NXPH1: variants seen among roughly 807,000 people sequenced by gnomAD.
NXPH1 encodes neurexophilin-1.
A neutral mutation model predicts 23.7 loss-of-function variants in NXPH1; 5 were observed. The observed-to-expected ratio is 0.21, with a 90% CI of 0.11 to 0.44. The LOEUF is 0.44. Ranked by LOEUF, NXPH1 falls within the 20% of genes least tolerant of loss-of-function variation. The pLI is 0.99. For synonymous variants in NXPH1, 144 were observed against 122.2 expected, an observed-to-expected ratio of 1.18 and a Z score of -1.18; for missense variants, 324 against 321.6, an observed-to-expected ratio of 1.01 and a Z score of -0.06.
chr7:8,727,821 G>A (rs2115212936), intron 2 of NXPH1, among the ~76,000 whole-genome samples: 1 of 152,088 alleles, frequency 6.6e-6, no homozygotes, highest in East Asian at 1.9e-4. Context: ...GGTGATGCGG[G>A]CTCTTTTTTG....
At chr7:8,578,527 G>T (rs886655932) in intron 2 of NXPH1, among the ~76,000 whole-genome samples, 9 of 152,186 alleles carry the variant, frequency 5.9e-5, no homozygotes, top group African/African-American at 2.2e-4. Context: ...TACTTTTGCA[G>T]TTCACCAAGT....
chr7:8,627,633 CT>C (rs1820022456), intron 2 of NXPH1, among the ~76,000 whole-genome samples: 1 of 152,034 alleles, frequency 6.6e-6, no homozygotes, highest in Non-Finnish European at 1.5e-5. Context: ...GCAGGAGAAC[CT>C]ACCATACCGT....
intron 2 of NXPH1, among the ~76,000 whole-genome samples, chr7:8,647,362 A>T (rs1204247542): frequency 6.6e-6 from 1 of 152,160 alleles, no homozygotes; most frequent in Admixed American, 6.5e-5. Flanking sequence ...CCCTGGCAGG[A>T]AAATAAAGGG....
intron 2 of NXPH1, among the ~76,000 whole-genome samples, chr7:8,500,780 T>A (rs990623248): frequency 3.3e-5 from 5 of 152,100 alleles, no homozygotes; most frequent in South Asian, 2.1e-4. Context: ...TCTTTTACTT[T>A]CTTAACCTCA....
At chr7:8,528,710 T>C (rs935971139) in intron 2 of NXPH1, among the ~76,000 whole-genome samples, 6 of 152,234 alleles carry the variant, frequency 3.9e-5, no homozygotes, top group Admixed American at 6.5e-5. Flanking sequence ...AAACTGCACA[T>C]ACTTGCTTCA....
rs1001595713 is a variant in NXPH1 at position 8,433,666 on chromosome 7, G to A, written c.-1200G>A. 2.0e-4 allele frequency among the ~76,000 whole-genome samples: 31 copies of A among 152,136 alleles called. No individual in the cohort carries two copies. The highest frequency in any genetic ancestry group is 7.0e-4 in the African/African-American group (29 of 41,434). On this transcript the variant is annotated 5_prime_UTR_variant, in exon 1 of 3. Transcript: ENST00000405863. The surrounding 1 kb of genome is among the most constrained non-coding windows in gnomAD (Gnocchi z 6.8). ...GCAGTCTGCGGCTCCCCCGCCTCCG[G>A]CCCGGCAGCCACAGGTCGGAGGCGC...
At chr7:8,542,080 G>A (rs1818126539) in intron 2 of NXPH1, among the ~76,000 whole-genome samples, 1 of 151,070 alleles carries the variant, frequency 6.6e-6, no homozygotes, top group Non-Finnish European at 1.5e-5. Flanking sequence ...TGAAAATTAA[G>A]ATCTATTAAT....
At chr7:8,737,472 T>C (rs1221216298) in intron 2 of NXPH1, among the ~76,000 whole-genome samples, 1 of 152,228 alleles carries the variant, frequency 6.6e-6, no homozygotes, top group Non-Finnish European at 1.5e-5. Flanking sequence ...CAGTCTCTTG[T>C]GGCTTGTAGG....
At chr7:8,480,629 C>T (rs967049423) in intron 2 of NXPH1, among the ~76,000 whole-genome samples, 1 of 152,140 alleles carries the variant, frequency 6.6e-6, no homozygotes, top group Non-Finnish European at 1.5e-5. Context: ...TTAGTCATGC[C>T]TTAACACTCC....
chr7:8,695,146 G>A (rs543527756), intron 2 of NXPH1, among the ~76,000 whole-genome samples: 22 of 152,156 alleles, frequency 1.4e-4, no homozygotes, highest in Non-Finnish European at 3.1e-4. Flanking sequence ...AATTAGAATA[G>A]GGTACTTTTA....
At chr7:8,481,487 G>C (rs1275355622) in intron 2 of NXPH1, among the ~76,000 whole-genome samples, 4 of 152,148 alleles carry the variant, frequency 2.6e-5, no homozygotes, top group Non-Finnish European at 5.9e-5. Context: ...ATAAAACACA[G>C]AGGTCAGAAG....
At chr7:8,649,026 A>T (rs1414763967) in intron 2 of NXPH1, among the ~76,000 whole-genome samples, 1 of 71,622 alleles carries the variant, frequency 1.4e-5, no homozygotes, top group African/African-American at 4.1e-5. Context: ...ACTCTCCATT[A>T]CTTTTTTAGT....
intron 2 of NXPH1, among the ~76,000 whole-genome samples, chr7:8,615,282 G>T (rs1819711419): frequency 6.6e-6 from 1 of 152,036 alleles, no homozygotes; most frequent in Admixed American, 6.6e-5. Context: ...GCGCATGGTG[G>T]CTAAACATGA....
intron 2 of NXPH1, among the ~76,000 whole-genome samples, chr7:8,504,382 A>C (rs1817487785): frequency 6.6e-6 from 1 of 151,894 alleles, no homozygotes. Flanking sequence ...CTGAGAGGCC[A>C]CTAAAATAGG....
chr7:8,489,069 G>C (rs1223768960), intron 2 of NXPH1, among the ~76,000 whole-genome samples: 1 of 152,116 alleles, frequency 6.6e-6, no homozygotes, highest in Non-Finnish European at 1.5e-5. Context: ...ATGGGGCTCT[G>C]ATAGATGGGA....
At chr7:8,603,992 T>C (rs1819420570) in intron 2 of NXPH1, among the ~76,000 whole-genome samples, 2 of 152,138 alleles carry the variant, frequency 1.3e-5, no homozygotes, top group African/African-American at 2.4e-5. Flanking sequence ...CCCAAATCAT[T>C]GTTCTTTCTT....
intron 2 of NXPH1, 41 bp from the exon 3 acceptor site, chr7:8,750,967 G>A: frequency 6.3e-7 from 1 of 1,588,140 alleles, no homozygotes; most frequent in Non-Finnish European, 8.6e-7. Context: ...GTTATTCTCA[G>A]ATGCAGAGAT....
chr7:8,749,783 C>T lies in NXPH1; in HGVS notation c.55-1225C>T, dbSNP rs568792700. ...CAGCCTTACCTTAAAACAGCAAGTC[C>T]GCATATTGAATGGTTTACTGGTCTT... is the stretch of plus-strand genomic sequence containing the variant. On this transcript the variant is annotated intron_variant, in intron 2 of 2. Transcript: ENST00000405863. 6.6e-5 allele frequency among the ~76,000 whole-genome samples: 10 copies of T among 152,224 alleles called. No homozygotes were observed. In the East Asian group the frequency reaches 7.7e-4, roughly 12 times the overall value.
At chr7:8,696,671 A>G (rs1779525534) in intron 2 of NXPH1, among the ~76,000 whole-genome samples, 1 of 152,060 alleles carries the variant, frequency 6.6e-6, no homozygotes, top group Non-Finnish European at 1.5e-5. Context: ...GTCTTTTATC[A>G]GAAAGAAGGC....
Sources: gnomAD v4.1 joint callset for allele counts (sites outside exome capture counted in the v4.1 genomes callset) on GRCh38, gnomAD v4.1.1 for gene constraint, Gnocchi (gnomAD v3.1) non-coding constraint, MANE v1.5 for transcripts, NCBI Gene and HGNC (gene_info 2026-07-23, HGNC 2026-07-21) for gene names.